Variants in RHCE observed in about 807,000 individuals in gnomAD.
The protein encoded by RHCE is blood group Rh(CE) polypeptide.
In RHCE, 22 loss-of-function variants were observed where a neutral mutation model predicts 43.8. That is an observed-to-expected ratio of 0.50 (90% CI 0.36 to 0.72). The LOEUF (loss-of-function observed/expected upper bound fraction) is 0.72. Ranked by LOEUF, RHCE falls within the 30% of genes least tolerant of loss-of-function variation. The probability of loss-of-function intolerance (pLI) is 0.00; values close to 1 mark genes in which losing one functional copy is unlikely to be tolerated. For missense variants in RHCE, 385 were observed against 525.4 expected (o/e 0.73, Z 2.61); for synonymous variants, 156 against 210.7 (o/e 0.74, Z 2.25).
At chr1:25,401,223 T>G (rs1027260053) in intron 3 of RHCE, among the ~76,000 whole-genome samples, 4 of 152,208 alleles carry the variant, frequency 2.6e-5, no homozygotes, top group African/African-American at 9.7e-5. Context: ...ATTAATTCAA[T>G]TACTCCCTCA....
chr1:25,384,904 C>T (rs1646103599), intron 7 of RHCE, among the ~76,000 whole-genome samples: 1 of 152,170 alleles, frequency 6.6e-6, no homozygotes, highest in East Asian at 1.9e-4. Flanking sequence ...TAGCACAATG[C>T]CCAACACTTT....
At chr1:25,387,391 C>T (rs1646210352) in intron 6 of RHCE, among the ~76,000 whole-genome samples, 1 of 152,200 alleles carries the variant, frequency 6.6e-6, no homozygotes, top group Admixed American at 6.5e-5. Flanking sequence ...ATCCATTTCG[C>T]TCACTAAACT....
At chr1:25,383,891 A>T (rs1390114722) in intron 7 of RHCE, among the ~76,000 whole-genome samples, 5 of 152,196 alleles carry the variant, frequency 3.3e-5, no homozygotes, top group Non-Finnish European at 2.9e-5. Context: ...TAGAAATTGC[A>T]AGTGCTACCA....
chr1:25,378,973 A>T (rs1179943755), intron 7 of RHCE, among the ~76,000 whole-genome samples: 1 of 152,224 alleles, frequency 6.6e-6, no homozygotes, highest in Non-Finnish European at 1.5e-5. Context: ...AATGTTGAGT[A>T]AAAGAAGCAT....
rs553837499 is a variant in RHCE at position 25,409,334 on chromosome 1, G to C, written c.149-465C>G. Among the ~76,000 whole-genome samples the C allele has an allele frequency of 7.2e-5, 9 of 124,246 alleles. 1 individual carries two copies. Among genetic ancestry groups the C allele is most frequent in the African/African-American group, 1.8e-4 (7 of 39,824 alleles). The allele number at this position is 124,246 out of a possible 152,430, so 81.5% of individuals were successfully genotyped here. ...CTTGTCCCAGGACACACAGAAAAGA[G>C]AGGGCAGAGATAGGCCCAGTGCTCT... On this transcript the variant is annotated intron_variant, in intron 1 of 9. Coordinates refer to ENST00000294413, the MANE Select transcript of RHCE (RefSeq NM_020485.8).
intron 3 of RHCE, among the ~76,000 whole-genome samples, chr1:25,397,253 T>C (rs2124454333): frequency 6.7e-6 from 1 of 149,932 alleles, no homozygotes; most frequent in African/African-American, 2.5e-5. Context: ...TCCCAGCACT[T>C]TGGGAGGCCA....
intron 9 of RHCE, among the ~76,000 whole-genome samples, chr1:25,368,639 C>T (rs1337109638): frequency 6.6e-6 from 1 of 150,728 alleles, no homozygotes. Context: ...TTCTTTGGGG[C>T]CGAGAGAATT....
At chr1:25,370,642 C>A in intron 8 of RHCE, 102 bp from the exon 9 acceptor site, 2 of 1,023,756 alleles carry the variant, frequency 2.0e-6, no homozygotes, top group Non-Finnish European at 1.5e-6. Context: ...AGTGTCTCAA[C>A]AGAAATCCTT....
chr1:25,362,377 T>C lies in RHCE; in HGVS notation c.*150A>G, dbSNP rs1005136152. The C allele has an allele frequency of 1.9e-6, 3 of 1,565,418 alleles. No individual in the cohort carries two copies. Among genetic ancestry groups the C allele is most frequent in the Non-Finnish European group, 2.6e-6 (3 of 1,152,448 alleles). ...CTTAAACTAAGTTTTTAGTCTTTAA[T>C]TTTTTAATATCAAATCTGTCTCTGA... On this transcript the variant is annotated 3_prime_UTR_variant, in exon 10 of 10. Coordinates refer to ENST00000294413, the MANE Select transcript of RHCE (RefSeq NM_020485.8).
intron 4 of RHCE, 54 bp from the exon 5 acceptor site, chr1:25,390,969 G>C: frequency 6.2e-7 from 1 of 1,612,584 alleles, no homozygotes; most frequent in East Asian, 2.2e-5. Flanking sequence ...CCAAAGGTCT[G>C]AGCCTCGAGG....
intron 6 of RHCE, among the ~76,000 whole-genome samples, chr1:25,387,798 A>G (rs1303650974): frequency 6.6e-6 from 1 of 152,054 alleles, no homozygotes; most frequent in Non-Finnish European, 1.5e-5. Context: ...TTTATGGCTA[A>G]ATAATATTCC....
chr1:25,426,373 G>C (rs939298704), intron 2 of RHCE, among the ~76,000 whole-genome samples: 1 of 152,134 alleles, frequency 6.6e-6, no homozygotes, highest in African/African-American at 2.4e-5. Flanking sequence ...CTATTTTCAT[G>C]AACTCTATAT....
intron 7 of RHCE, among the ~76,000 whole-genome samples, chr1:25,376,503 GT>G (rs1426661272): frequency 1.3e-5 from 2 of 152,158 alleles, no homozygotes; most frequent in Non-Finnish European, 2.9e-5. Flanking sequence ...ATGTCATTTG[GT>G]TATCTTCCCT....
chr1:25,398,747 C>T lies in RHCE; in HGVS notation c.486+3849G>A, dbSNP rs890709389. The stretch of plus-strand genomic sequence containing the variant: ...TGGCGGTTCTCTGGAGGCTGAGTGC[C>T]GTTTGCGGTGCCCAAGGAGGCCGAG... On this transcript the variant is annotated intron_variant, in intron 3 of 9. Transcript: ENST00000294413. The T allele has an allele frequency of 3.8e-6, 6 of 1,598,680 alleles. 1 individual carries two copies. The Admixed American group carries it at 1.0e-4, about 27-fold the overall frequency.
chr1:25,370,955 C>T (rs1283321032), intron 8 of RHCE, among the ~76,000 whole-genome samples: 2 of 148,224 alleles, frequency 1.3e-5, no homozygotes, highest in East Asian at 3.9e-4. Context: ...GGGGTTTCAC[C>T]ATGTTGGCCA....
At chr1:25,375,788 TCTC>T (rs1315433031) in intron 7 of RHCE, among the ~76,000 whole-genome samples, 3 of 138,096 alleles carry the variant, frequency 2.2e-5, no homozygotes, top group Non-Finnish European at 4.5e-5. Flanking sequence ...TTTCTCTCTC[TCTC>T]TTTTTTTTTT....
chr1:25,377,231 C>T (rs1645815149), intron 7 of RHCE, among the ~76,000 whole-genome samples: 1 of 152,012 alleles, frequency 6.6e-6, no homozygotes, highest in African/African-American at 2.4e-5. Context: ...TTCAGGGGGA[C>T]ATATGCATGA....
At chr1:25,399,936 A>G (rs1646679250) in intron 3 of RHCE, among the ~76,000 whole-genome samples, 1 of 152,208 alleles carries the variant, frequency 6.6e-6, no homozygotes, top group Non-Finnish European at 1.5e-5. Context: ...TTTTCGCACA[A>G]TGGGAATCTC....
chr1:25,377,572 A>G (rs1256123542), intron 7 of RHCE, among the ~76,000 whole-genome samples: 2 of 152,128 alleles, frequency 1.3e-5, no homozygotes, highest in South Asian at 2.1e-4. Context: ...TAAAATTAAG[A>G]ACCTCCTTGT....
Sources: allele counts gnomAD v4.1 joint callset (sites outside exome capture counted in the v4.1 genomes callset), GRCh38; gene constraint gnomAD v4.1.1; transcripts MANE v1.5; gene names NCBI Gene and HGNC (gene_info 2026-07-23, HGNC 2026-07-21).